WDR20: variants seen among roughly 807,000 people sequenced by gnomAD.
WDR20 encodes the protein WD repeat domain 20.
Under a neutral mutation model 38.7 loss-of-function variants are expected in WDR20, and 3 were observed. The observed-to-expected ratio is 0.08, with a 90% CI of 0.04 to 0.20. The LOEUF is 0.20. WDR20 is among the 10% of genes least tolerant of loss of function. The pLI is 1.00. For missense variants in WDR20, 559 were observed against 727.7 expected (o/e 0.77, Z 2.67); for synonymous variants, 298 against 285.6 (o/e 1.04, Z -0.44).
chr14:102,215,502 G>A (rs188249520), downstream of WDR20, among the ~76,000 whole-genome samples: 22 of 152,206 alleles, frequency 1.4e-4, 1 homozygote, highest in Non-Finnish European at 8.8e-5. Context: ...TGTGCTGAAC[G>A]TGCAGGTTTG....
intron 1 of WDR20, among the ~76,000 whole-genome samples, chr14:102,194,607 C>A (rs1444049301): frequency 6.6e-6 from 1 of 152,146 alleles, no homozygotes; most frequent in Non-Finnish European, 1.5e-5. Context: ...TTAGACACTG[C>A]TTGAAATGCA....
chr14:102,207,351 G>A lies in WDR20; in HGVS notation c.433-1252G>A, dbSNP rs374396840. Among the ~76,000 whole-genome samples, 1 of 152,316 alleles carries A rather than the reference G, an allele frequency of 6.6e-6. No individual in the cohort carries two copies. The highest frequency in any genetic ancestry group is 6.5e-5 in the Admixed American group (1 of 15,310). ...CAGCCGTTCTTTTAAAAATCAAGTC[G>A]TCTTATTTCTGTAATTCTCTGTAAA... On this transcript the variant is annotated intron_variant, in intron 2 of 2. Transcript: ENST00000342702. This position sits in a 1 kb window ranked among gnomAD's most constrained non-coding sequence, Gnocchi z 5.0.
chr14:102,219,473 C>G (rs1396385112), downstream of WDR20, among the ~76,000 whole-genome samples: 1 of 152,258 alleles, frequency 6.6e-6, no homozygotes, highest in African/African-American at 2.4e-5. Context: ...CCAGCACACT[C>G]CAGGGCTTGT....
intron 1 of WDR20, among the ~76,000 whole-genome samples, chr14:102,164,751 C>T (rs1168539881): frequency 6.6e-6 from 1 of 152,156 alleles, no homozygotes; most frequent in African/African-American, 2.4e-5. Context: ...TTTGCTAGTT[C>T]TTTCTACTCT....
intron 1 of WDR20, among the ~76,000 whole-genome samples, chr14:102,150,263 G>A (rs2055316802): frequency 6.6e-6 from 1 of 152,036 alleles, no homozygotes; most frequent in African/African-American, 2.4e-5. Flanking sequence ...ATTTCTTGAG[G>A]CTAGGAGTTG....
intron 1 of WDR20, among the ~76,000 whole-genome samples, chr14:102,140,815 A>G (rs895572481): frequency 6.6e-6 from 1 of 152,196 alleles, no homozygotes; most frequent in Non-Finnish European, 1.5e-5. Flanking sequence ...AAGATTGTTA[A>G]GGAGAGTCAT....
downstream of WDR20, among the ~76,000 whole-genome samples, chr14:102,217,790 A>G (rs899277363): frequency 5.9e-5 from 9 of 152,218 alleles, no homozygotes; most frequent in Non-Finnish European, 1.3e-4. Context: ...GTGTGTTCAG[A>G]GCTGGAAGTC....
chr14:102,201,408 G>A (rs915280469), intron 2 of WDR20, among the ~76,000 whole-genome samples: 9 of 152,182 alleles, frequency 5.9e-5, no homozygotes, highest in South Asian at 2.1e-4. Flanking sequence ...CTTAGAAAGC[G>A]TCAGTGTGAA....
intron 1 of WDR20, among the ~76,000 whole-genome samples, chr14:102,183,211 C>T (rs1230567749): frequency 1.3e-5 from 2 of 152,142 alleles, no homozygotes; most frequent in Non-Finnish European, 2.9e-5. Flanking sequence ...CCGATGAAGG[C>T]GAGATCAAAG....
intron 1 of WDR20, among the ~76,000 whole-genome samples, chr14:102,185,814 CAAA>C (rs11317533): frequency 1.4e-4 from 16 of 112,560 alleles, no homozygotes; most frequent in Admixed American, 9.9e-5. Flanking sequence ...GACTCCATCT[CAAA>C]AAAAAAAAAA....
intron 1 of WDR20, among the ~76,000 whole-genome samples, chr14:102,173,999 G>A (rs867206223): frequency 6.7e-6 from 1 of 149,966 alleles, no homozygotes; most frequent in Non-Finnish European, 1.5e-5. Flanking sequence ...AGCTGAGATC[G>A]CGCCATTGCA....
chr14:102,149,905 G>A (rs906432870), intron 1 of WDR20, among the ~76,000 whole-genome samples: 7 of 152,186 alleles, frequency 4.6e-5, no homozygotes, highest in African/African-American at 1.7e-4. Context: ...TATTGGCCAG[G>A]CTGGTCTCTT....
At chr14:102,203,205 AAT>A (rs1212392004) in intron 2 of WDR20, among the ~76,000 whole-genome samples, 8 of 152,220 alleles carry the variant, frequency 5.3e-5, no homozygotes, top group Non-Finnish European at 1.2e-4. Flanking sequence ...CCCCAGTAGA[AAT>A]ACAGTGCCAG....
At chr14:102,176,589 G>T (rs2062152707) in intron 1 of WDR20, among the ~76,000 whole-genome samples, 1 of 152,096 alleles carries the variant, frequency 6.6e-6, no homozygotes, top group Non-Finnish European at 1.5e-5. Flanking sequence ...GTTCGTCAGG[G>T]ATATTGGTCT....
chr14:102,213,445 C>T, downstream of WDR20: 1 of 985,366 alleles, frequency 1.0e-6, no homozygotes, highest in Non-Finnish European at 1.2e-6. Flanking sequence ...TCCTGTGAAC[C>T]CTTAGCTGGG....
At chr14:102,214,553 C>T, downstream of WDR20, 5 of 985,402 alleles carry the variant, frequency 5.1e-6, no homozygotes, top group Non-Finnish European at 6.0e-6. Flanking sequence ...TCATAAATTG[C>T]TATCCTTTCA....
Position 102,220,292 on chromosome 14 carries a change from A to G in WDR20, c.1693-2538A>G, listed in dbSNP as rs1261262652. Among the ~76,000 whole-genome samples, 1 of 152,220 alleles carries G rather than the reference A, an allele frequency of 6.6e-6. No homozygotes were observed. The highest frequency in any genetic ancestry group is 1.5e-5 in the Non-Finnish European group (1 of 68,034). The stretch of plus-strand genomic sequence containing the variant: ...CGTCAGAAGCCACCTGCAGCCACTA[A>G]GTATGTAAATTGGGGCCAGTCCAAC... On this transcript the variant is annotated intron_variant, in intron 3 of 3. Coordinates refer to the WDR20 transcript ENST00000335263. This position sits in a 1 kb window ranked among gnomAD's most constrained non-coding sequence, Gnocchi z 4.2.
intron 1 of WDR20, among the ~76,000 whole-genome samples, chr14:102,178,172 G>A (rs1190564): frequency 0.65 from 99,087 of 151,754 alleles, 36,248 homozygotes; most frequent in East Asian, 0.92. Context: ...TGGGTGGATC[G>A]CTTGAGGTCA....
At chr14:102,149,116 C>T (rs1025434706) in intron 1 of WDR20, among the ~76,000 whole-genome samples, 3 of 151,976 alleles carry the variant, frequency 2.0e-5, no homozygotes, top group African/African-American at 4.8e-5. Context: ...GAGCTGAGAT[C>T]GTGCCACTGC....
Sources: allele counts gnomAD v4.1 joint callset (sites outside exome capture counted in the v4.1 genomes callset), GRCh38; gene constraint gnomAD v4.1.1; non-coding constraint Gnocchi (gnomAD v3.1); transcripts MANE v1.5; gene names NCBI Gene and HGNC (gene_info 2026-07-23, HGNC 2026-07-21).